SLIT2: variants seen among roughly 807,000 people sequenced by gnomAD.
The protein encoded by SLIT2 is slit homolog 2 protein.
A neutral mutation model predicts 185.7 loss-of-function variants in SLIT2; 41 were observed. That is an observed-to-expected ratio of 0.22 (90% CI 0.17 to 0.29). The LOEUF (loss-of-function observed/expected upper bound fraction) is 0.29, where lower values mean the gene tolerates loss of function less well. Among genes scored for constraint, SLIT2 ranks in the 10% least tolerant of loss-of-function variants. The probability of loss-of-function intolerance (pLI) is 1.00; values close to 1 mark genes in which losing one functional copy is unlikely to be tolerated. For missense variants in SLIT2, 1,571 were observed against 1,909.0 expected (o/e 0.82, Z 3.30); for synonymous variants, 693 against 680.2 (o/e 1.02, Z -0.29).
intron 29 of SLIT2, among the ~76,000 whole-genome samples, chr4:20,583,570 G>T (rs1044915778): frequency 6.6e-6 from 1 of 152,096 alleles, no homozygotes. Context: ...CCAAGACTTT[G>T]GGAGGCTGAG....
At chr4:20,597,576 A>C (rs1397860147) in intron 32 of SLIT2, among the ~76,000 whole-genome samples, 1 of 152,224 alleles carries the variant, frequency 6.6e-6, no homozygotes, top group African/African-American at 2.4e-5. Context: ...CTGATAAGCA[A>C]AATCATTTAA....
At chr4:20,298,196 C>G (rs1325518312) in intron 4 of SLIT2, among the ~76,000 whole-genome samples, 1 of 151,668 alleles carries the variant, frequency 6.6e-6, no homozygotes, top group African/African-American at 2.4e-5. Flanking sequence ...TCAAGCCATT[C>G]TCCTGCCTCA....
At chr4:20,551,057 T>C (rs573069381) in intron 25 of SLIT2, among the ~76,000 whole-genome samples, 159 bp downstream of exon 25, 1 of 152,340 alleles carries the variant, frequency 6.6e-6, no homozygotes, top group East Asian at 1.9e-4. Flanking sequence ...TATGATGCCT[T>C]CTGCAAGATG....
intron 3 of SLIT2, among the ~76,000 whole-genome samples, chr4:20,266,297 A>G (rs1193943692): frequency 6.6e-6 from 1 of 151,924 alleles, no homozygotes; most frequent in Non-Finnish European, 1.5e-5. Flanking sequence ...TTACTCACTT[A>G]TATCTCTGAA....
rs1721488413 is a variant in SLIT2, at chr4:20,528,391, C to T, written c.1463-558C>T. ...CGTCACGCAGCTTTCTACAGCATGACAAGCTGCTGAGGCTTAAATCAGGAT... is the reference window on the plus strand; with the variant it reads ...CGTCACGCAGCTTTCTACAGCATGATAAGCTGCTGAGGCTTAAATCAGGAT... On this transcript the variant is annotated intron_variant, in intron 15 of 36. Transcript: ENST00000504154. This position sits in a 1 kb window ranked among gnomAD's most constrained non-coding sequence, Gnocchi z 4.2. The T allele has an allele frequency of 1.9e-6, 1 of 531,926 alleles. No homozygotes were observed. The highest frequency in any genetic ancestry group is 3.9e-6 in the Non-Finnish European group (1 of 258,610). The allele number at this position is 531,926 out of a possible 1,614,324, so 33.0% of individuals were successfully genotyped here.
At chr4:20,558,131 A>G (rs566787518) in intron 26 of SLIT2, among the ~76,000 whole-genome samples, 1 of 152,200 alleles carries the variant, frequency 6.6e-6, no homozygotes, top group Admixed American at 6.5e-5. Context: ...TTAGAATATT[A>G]TATAAACTTA....
intron 4 of SLIT2, among the ~76,000 whole-genome samples, chr4:20,390,825 C>T (rs968407380): frequency 5.3e-5 from 8 of 150,594 alleles, no homozygotes; most frequent in Non-Finnish European, 5.9e-5. Flanking sequence ...TACCATAAAA[C>T]AGACCTTTGG....
intron 4 of SLIT2, among the ~76,000 whole-genome samples, chr4:20,347,148 G>T (rs1457693720): frequency 6.6e-6 from 1 of 152,216 alleles, no homozygotes; most frequent in Non-Finnish European, 1.5e-5. Flanking sequence ...AGATGGTAAA[G>T]AAAAGGAAGC....
At position 20,253,652 on chromosome 4, in the gene SLIT2, G is replaced by C. The variant is rs1326779240; in HGVS notation, c.-164G>C. The C allele has an allele frequency of 7.0e-5, 49 of 700,036 alleles. No homozygotes were observed. Among genetic ancestry groups the C allele is most frequent in the Non-Finnish European group, 1.1e-4 (47 of 445,830 alleles). 43.4% of individuals were successfully genotyped at this position (700,036 alleles called of 1,614,324 possible). On this transcript the variant is annotated 5_prime_UTR_variant, in exon 1 of 37. Coordinates refer to ENST00000504154, the MANE Select transcript of SLIT2 (RefSeq NM_004787.4). ...AGGGCGGTGGGAGGCGTGTGCCTGA[G>C]TGGGCTCTACTGCCTTGTTCCATAT...
chr4:20,262,277 A>G (rs1410948850), intron 3 of SLIT2, among the ~76,000 whole-genome samples: 1 of 151,774 alleles, frequency 6.6e-6, no homozygotes, highest in Non-Finnish European at 1.5e-5. Context: ...ACTCCTAAGC[A>G]TGGGACAGAC....
At chr4:20,488,636 C>T (rs1054748849) in intron 7 of SLIT2, among the ~76,000 whole-genome samples, 183 bp from the exon 8 acceptor site, 2 of 152,142 alleles carry the variant, frequency 1.3e-5, no homozygotes, top group South Asian at 4.1e-4. Context: ...ATAAATTGCT[C>T]AGTTCAGACT....
At chr4:20,471,511 A>G (rs1715014016) in intron 5 of SLIT2, among the ~76,000 whole-genome samples, 1 of 152,176 alleles carries the variant, frequency 6.6e-6, no homozygotes, top group Admixed American at 6.5e-5. Context: ...GCATGATGCC[A>G]TTGTGGCTAC....
At chr4:20,451,405 C>T (rs546143026) in intron 4 of SLIT2, among the ~76,000 whole-genome samples, 17 of 152,270 alleles carry the variant, frequency 1.1e-4, no homozygotes, top group South Asian at 8.3e-4. Context: ...TTTGTTCCAG[C>T]TAATGCAGCT....
intron 29 of SLIT2, among the ~76,000 whole-genome samples, chr4:20,575,396 A>G (rs1726001553): frequency 1.3e-5 from 2 of 152,220 alleles, no homozygotes; most frequent in Non-Finnish European, 2.9e-5. Flanking sequence ...AAGAATGTAT[A>G]TCATTAGTCG....
At chr4:20,452,505 T>C (rs1248886616) in intron 4 of SLIT2, among the ~76,000 whole-genome samples, 1 of 152,198 alleles carries the variant, frequency 6.6e-6, no homozygotes, top group Non-Finnish European at 1.5e-5. Flanking sequence ...TTATTCCTTC[T>C]TTTGCACAAG....
chr4:20,514,658 A>G (rs144627153), intron 11 of SLIT2, among the ~76,000 whole-genome samples: 27 of 151,418 alleles, frequency 1.8e-4, no homozygotes, highest in African/African-American at 6.0e-4. Context: ...AAAATAAATA[A>G]ATAAAAATTT....
chr4:20,420,366 G>C (rs899606273), intron 4 of SLIT2, among the ~76,000 whole-genome samples: 1 of 152,134 alleles, frequency 6.6e-6, no homozygotes, highest in African/African-American at 2.4e-5. Context: ...TTTTCCAAGT[G>C]ATTAGTCTTT....
chr4:20,527,950 C>CT (rs1260306231), intron 15 of SLIT2, among the ~76,000 whole-genome samples: 4 of 151,932 alleles, frequency 2.6e-5, no homozygotes, highest in Admixed American at 6.6e-5. Flanking sequence ...TCTTTGGCAC[C>CT]TTTTTTTCAA....
intron 2 of SLIT2, 39 bp downstream of exon 2, chr4:20,256,782 G>T: frequency 1.9e-6 from 2 of 1,056,684 alleles, no homozygotes; most frequent in East Asian, 2.5e-5. Context: ...ATTTTTTAAG[G>T]TTGCATATTT....
Sources: gnomAD v4.1 joint callset for allele counts (sites outside exome capture counted in the v4.1 genomes callset) on GRCh38, gnomAD v4.1.1 for gene constraint, Gnocchi (gnomAD v3.1) non-coding constraint, MANE v1.5 for transcripts, NCBI Gene and HGNC (gene_info 2026-07-23, HGNC 2026-07-21) for gene names.